The following NCKAP5 variants were observed in gnomAD, a reference collection of about 807,000 sequenced individuals.
The protein encoded by NCKAP5 is NCK associated protein 5.
A neutral mutation model predicts 167.0 loss-of-function variants in NCKAP5; 92 were observed. The observed-to-expected ratio is 0.55, with a 90% CI of 0.47 to 0.66. NCKAP5 has a LOEUF of 0.66. NCKAP5 is among the 30% of genes least tolerant of loss of function. The probability of loss-of-function intolerance (pLI) is 0.00; values close to 1 mark genes in which losing one functional copy is unlikely to be tolerated. For missense variants in NCKAP5, 2,378 were observed against 2,315.0 expected (o/e 1.03, Z -0.56); for synonymous variants, 891 against 877.4 (o/e 1.02, Z -0.27).
At chr2:132,843,813 C>A (rs1688474642) in intron 11 of NCKAP5, among the ~76,000 whole-genome samples, 2 of 151,930 alleles carry the variant, frequency 1.3e-5, no homozygotes, top group Non-Finnish European at 1.5e-5. Flanking sequence ...GCTATTCTTT[C>A]CCTTGTTAAT....
chr2:132,743,859 C>A (rs1209584019), intron 16 of NCKAP5, among the ~76,000 whole-genome samples: 1 of 151,436 alleles, frequency 6.6e-6, no homozygotes, highest in African/African-American at 2.4e-5. Context: ...AAATATATAG[C>A]ATGCAAACTC....
intron 16 of NCKAP5, among the ~76,000 whole-genome samples, chr2:132,766,935 A>G (rs1405687364): frequency 6.6e-6 from 1 of 152,190 alleles, no homozygotes; most frequent in Non-Finnish European, 1.5e-5. Flanking sequence ...TGTGGATTAG[A>G]TACTTTATGG....
intron 3 of NCKAP5, among the ~76,000 whole-genome samples, chr2:133,464,671 G>C (rs1336613976): frequency 6.6e-6 from 1 of 152,170 alleles, no homozygotes; most frequent in African/African-American, 2.4e-5. Context: ...GCCTGGGTGA[G>C]AGAGTGAGAC....
chr2:133,446,836 G>T (rs539219388), intron 3 of NCKAP5, among the ~76,000 whole-genome samples: 95 of 152,210 alleles, frequency 6.2e-4, no homozygotes, highest in African/African-American at 2.2e-3. Flanking sequence ...TGAGAAGTGA[G>T]GGGAAAGGGA....
chr2:133,470,301 GT>G (rs1330678328), intron 3 of NCKAP5, among the ~76,000 whole-genome samples: 1 of 151,972 alleles, frequency 6.6e-6, no homozygotes, highest in Non-Finnish European at 1.5e-5. Context: ...CTGCTGGGGG[GT>G]GCCTCCCAGT....
chr2:133,371,092 G>A (rs776063965), intron 3 of NCKAP5, among the ~76,000 whole-genome samples: 1 of 152,092 alleles, frequency 6.6e-6, no homozygotes, highest in African/African-American at 2.4e-5. Context: ...TAAGAAGCAG[G>A]GTCTACAAAC....
At chr2:133,057,108 G>A (rs751370066) in intron 6 of NCKAP5, among the ~76,000 whole-genome samples, 2 of 152,070 alleles carry the variant, frequency 1.3e-5, no homozygotes, top group African/African-American at 2.4e-5. Flanking sequence ...ACCACAAATC[G>A]TGCCCATATA....
At chr2:133,257,657 G>A (rs2088686678) in intron 4 of NCKAP5, among the ~76,000 whole-genome samples, 1 of 152,118 alleles carries the variant, frequency 6.6e-6, no homozygotes, top group Non-Finnish European at 1.5e-5. Context: ...CACATAAATA[G>A]CTGAAAGGCC....
At chr2:132,690,227 T>C (rs1171930585) in intron 19 of NCKAP5, among the ~76,000 whole-genome samples, 5 of 152,166 alleles carry the variant, frequency 3.3e-5, no homozygotes, top group Non-Finnish European at 7.3e-5. Context: ...CCCAAGGCTA[T>C]GCGTGAGAGA....
At chr2:133,458,726 C>T (rs906263093) in intron 3 of NCKAP5, among the ~76,000 whole-genome samples, 4 of 151,904 alleles carry the variant, frequency 2.6e-5, no homozygotes, top group Non-Finnish European at 5.9e-5. Flanking sequence ...AACAGGACTG[C>T]AAGAGGAGGA....
chr2:133,085,289 C>T (rs2080949499), intron 6 of NCKAP5, among the ~76,000 whole-genome samples: 1 of 152,130 alleles, frequency 6.6e-6, no homozygotes, highest in African/African-American at 2.4e-5. Context: ...CCTGCAGCAA[C>T]ATTTTAGAGA....
chr2:132,894,507 T>G (rs757930062), intron 8 of NCKAP5, among the ~76,000 whole-genome samples: 1 of 152,214 alleles, frequency 6.6e-6, no homozygotes, highest in Non-Finnish European at 1.5e-5. Flanking sequence ...TCTTAAGGTA[T>G]GCCAGCAGTC....
intron 3 of NCKAP5, among the ~76,000 whole-genome samples, chr2:133,378,416 T>C (rs1246079715): frequency 6.6e-6 from 1 of 152,208 alleles, no homozygotes; most frequent in Non-Finnish European, 1.5e-5. Flanking sequence ...AATTATAGTG[T>C]AGACTATCAA....
intron 6 of NCKAP5, among the ~76,000 whole-genome samples, chr2:133,064,942 G>T (rs56996730): frequency 1.9e-3 from 285 of 152,276 alleles, no homozygotes; most frequent in African/African-American, 6.5e-3. Flanking sequence ...GCAGAAGCAG[G>T]CTCCTTAGCA....
intron 3 of NCKAP5, among the ~76,000 whole-genome samples, chr2:133,491,660 G>T (rs79831069): frequency 0.017 from 2,652 of 152,228 alleles, 94 homozygotes; most frequent in African/African-American, 0.06. Flanking sequence ...TCCCTATGAA[G>T]TGAGGGAGGG....
At chr2:132,936,746 G>C (rs1309879894) in intron 8 of NCKAP5, among the ~76,000 whole-genome samples, 1 of 152,126 alleles carries the variant, frequency 6.6e-6, no homozygotes, top group East Asian at 1.9e-4. Flanking sequence ...ACTTCTGAGT[G>C]GTAGGATCTA....
chr2:133,597,826 T>C, the NCKAP5 span, among the ~76,000 whole-genome samples: 1 of 152,098 alleles, frequency 6.6e-6, no homozygotes, highest in Non-Finnish European at 1.5e-5. Context: ...ACAATCAGGT[T>C]CTTTCTGAGT....
intron 3 of NCKAP5, among the ~76,000 whole-genome samples, chr2:133,466,713 A>G (rs567207294): frequency 2.7e-4 from 41 of 152,304 alleles, no homozygotes; most frequent in Non-Finnish European, 5.4e-4. Flanking sequence ...TTCTCCTGGA[A>G]GAAGTCCTTC....
chr2:132,916,785 G>A (rs1322600333), intron 8 of NCKAP5, among the ~76,000 whole-genome samples: 1 of 152,054 alleles, frequency 6.6e-6, no homozygotes, highest in East Asian at 1.9e-4. Flanking sequence ...GGACTCAAAT[G>A]ATGATTTTCT....
Sources: gnomAD v4.1 joint callset for allele counts (sites outside exome capture counted in the v4.1 genomes callset) on GRCh38, gnomAD v4.1.1 for gene constraint, MANE v1.5 for transcripts, NCBI Gene and HGNC (gene_info 2026-07-23, HGNC 2026-07-21) for gene names.